RTN4: variants seen among roughly 807,000 people sequenced by gnomAD.
The protein encoded by RTN4 is reticulon-4.
In RTN4, 32 loss-of-function variants were observed where a neutral mutation model predicts 90.4. The ratio of observed to expected loss-of-function variants is 0.35; its 90% CI spans 0.27 to 0.48. The LOEUF (loss-of-function observed/expected upper bound fraction) is 0.48. RTN4 is among the 20% of genes least tolerant of loss of function. The pLI is 0.99. For synonymous variants in RTN4, 629 were observed against 552.5 expected, an observed-to-expected ratio of 1.14 and a Z score of -1.94; for missense variants, 1,706 against 1,430.2, an observed-to-expected ratio of 1.19 and a Z score of -3.11.
At chr2:54,983,648 T>TA (rs1406402684) in intron 4 of RTN4, among the ~76,000 whole-genome samples, 4 of 152,184 alleles carry the variant, frequency 2.6e-5, no homozygotes, top group African/African-American at 9.7e-5. Context: ...TTTAAGCACT[T>TA]ACTATTTACG....
the RTN4 span, among the ~76,000 whole-genome samples, chr2:55,117,778 TA>T: frequency 6.6e-6 from 1 of 152,056 alleles, no homozygotes; most frequent in Admixed American, 6.5e-5. Context: ...GGTAAAAATA[TA>T]AAAAAAGAAA....
intron 2 of RTN4, among the ~76,000 whole-genome samples, chr2:55,078,925 A>G (rs1384875587): frequency 6.6e-6 from 1 of 152,242 alleles, no homozygotes; most frequent in Admixed American, 6.5e-5. Context: ...TCATCTGACC[A>G]TCCTTGGGAA....
chr2:55,049,765 C>A lies in RTN4; in HGVS notation c.536G>T (p.Arg179Met). ...CTCACCCACTGAGCCCGAGGAGCCC[C>A]TGCGCTTGGGCGCGGCCGGGGTGGA... ...PPSTPAAPKRRGSSGSVDETL... is the reference protein window; with the variant it reads ...PPSTPAAPKRMGSSGSVDETL... The change falls in exon 1 of 9, where the codon AGG becomes ATG. Residue 179 changes from arginine (R) to methionine (M), a missense_variant. Coordinates refer to ENST00000337526, the MANE Select transcript of RTN4 (RefSeq NM_020532.5). The A allele has an allele frequency of 7.5e-7, 1 of 1,334,486 alleles. No homozygotes were observed. Among genetic ancestry groups the A allele is most frequent in the Non-Finnish European group, 9.6e-7 (1 of 1,043,594 alleles). The allele number at this position is 1,334,486 out of a possible 1,614,324, so 82.7% of individuals were successfully genotyped here.
At chr2:55,107,033 T>C (rs1165063120) in intron 1 of RTN4, among the ~76,000 whole-genome samples, 2 of 152,134 alleles carry the variant, frequency 1.3e-5, no homozygotes, top group Non-Finnish European at 2.9e-5. Flanking sequence ...ATTGGCAGTG[T>C]AGCTGTAACT....
intron 3 of RTN4, 151 bp from the exon 4 acceptor site, chr2:54,987,849 C>T: frequency 3.0e-6 from 2 of 658,816 alleles, no homozygotes; most frequent in Admixed American, 2.9e-5. Context: ...AACTTTATAA[C>T]CCACATTTTA....
rs903306882 is a variant in RTN4 at position 55,038,121 on chromosome 2, C to T, written c.557-9901G>A. Among the ~76,000 whole-genome samples, 24 of 151,982 alleles carry T rather than the reference C, an allele frequency of 1.6e-4. 1 individual carries two copies. Among genetic ancestry groups the T allele is most frequent in the Non-Finnish European group, 1.5e-5 (1 of 67,978 alleles). On this transcript the variant is annotated intron_variant, in intron 1 of 8. Coordinates refer to ENST00000337526, the MANE Select transcript of RTN4 (RefSeq NM_020532.5). ...AAATCTGGATCTATGGTAACTCATA[C>T]CATAGACAAAAACTACCTCAAAACG...
rs1304138963 is a variant in RTN4 at position 55,025,163 on chromosome 2, T to C, written c.2936A>G (p.Lys979Arg). 6.2e-7 allele frequency: 1 copy of C among 1,613,664 alleles called. No individual in the cohort carries two copies. Among genetic ancestry groups the C allele is most frequent in the African/African-American group, 1.3e-5 (1 of 74,918 alleles). ...TTTTTCTGTATCGGAAGGAAGTTTT[T>C]TCTCAGCTTCTTTCACAAGAACTTT... ...KPKVLVKEAE[K>R]KLPSDTEKED... Residue 979 changes from lysine to arginine, a missense_variant, in exon 3 of 9, where the codon AAA (lysine) becomes AGA (arginine). Transcript: ENST00000337526.
chr2:55,000,546 A>G (rs1023569012), intron 3 of RTN4, among the ~76,000 whole-genome samples: 2 of 152,194 alleles, frequency 1.3e-5, no homozygotes, highest in East Asian at 3.8e-4. Context: ...TCCCAGTCTG[A>G]GCAAGGCACT....
chr2:55,000,994 ACAAT>A (rs1327538365), intron 3 of RTN4, among the ~76,000 whole-genome samples: 2 of 152,178 alleles, frequency 1.3e-5, no homozygotes, highest in Non-Finnish European at 2.9e-5. Flanking sequence ...ACTATAAATA[ACAAT>A]CTATGTAATT....
At chr2:55,096,784 C>T (rs772261413) in intron 1 of RTN4, among the ~76,000 whole-genome samples, 3 of 152,032 alleles carry the variant, frequency 2.0e-5, no homozygotes, top group Non-Finnish European at 4.4e-5. Flanking sequence ...TTCTGTCATG[C>T]TGCAGCAGTT....
At chr2:54,978,474 C>T (rs1399047536) in intron 5 of RTN4, among the ~76,000 whole-genome samples, 1 of 150,438 alleles carries the variant, frequency 6.6e-6, no homozygotes, top group Non-Finnish European at 1.5e-5. Flanking sequence ...TAATTGTGAC[C>T]CAGAATCTAA....
chr2:55,097,562 G>T (rs577960904), intron 1 of RTN4, among the ~76,000 whole-genome samples: 1 of 152,232 alleles, frequency 6.6e-6, no homozygotes, highest in Admixed American at 6.5e-5. Flanking sequence ...AGACAGCAGT[G>T]GGGGAAGGAG....
chr2:55,055,772 AAAAAAAAAC>A (rs1160857007), upstream of RTN4, among the ~76,000 whole-genome samples: 23 of 151,628 alleles, frequency 1.5e-4, no homozygotes, highest in African/African-American at 5.3e-4. Flanking sequence ...TCCGTCTCAA[AAAAAAAAAC>A]AAAAAAAACA....
intron 1 of RTN4, among the ~76,000 whole-genome samples, chr2:55,100,737 A>G (rs1031476889): frequency 1.2e-4 from 19 of 152,144 alleles, no homozygotes; most frequent in Admixed American, 6.6e-4. Flanking sequence ...TTGTGCTATC[A>G]TTGCATCAGC....
At chr2:55,091,262 G>A (rs775379942) in intron 1 of RTN4, among the ~76,000 whole-genome samples, 13 of 152,126 alleles carry the variant, frequency 8.5e-5, no homozygotes, top group Non-Finnish European at 1.5e-4. Flanking sequence ...CACGTGATTG[G>A]GCCGTGTTTA....
chr2:55,013,612 G>T (rs1364675662), intron 3 of RTN4, among the ~76,000 whole-genome samples: 15 of 126,362 alleles, frequency 1.2e-4, no homozygotes, highest in East Asian at 8.2e-4. Flanking sequence ...TTTTTTTGGG[G>T]GGGGGGGAGG....
chr2:55,049,295 A>G, intron 1 of RTN4: 1 of 407,416 alleles, frequency 2.5e-6, no homozygotes, highest in African/African-American at 2.2e-5. Flanking sequence ...GCAAAACTGC[A>G]CCTTTTCCAA....
rs190464351 is a variant in RTN4, at chr2:54,987,842, T to C, written c.3014-144A>G. The C allele has an allele frequency of 4.1e-4, 274 of 666,430 alleles. 2 individuals are homozygous for C. The East Asian group carries it at 7.1e-3, about 17-fold the overall frequency. The allele number at this position is 666,430 out of a possible 1,614,324, so 41.3% of individuals were successfully genotyped here. ...AACACTAAGTTAAAGAAACACTAAC[T>C]TTATAACCCACATTTTAAACCCACT... On this transcript the variant is annotated intron_variant, in intron 3 of 8. Coordinates refer to ENST00000337526, the MANE Select transcript of RTN4 (RefSeq NM_020532.5).
At chr2:55,119,642 G>A in the RTN4 span, among the ~76,000 whole-genome samples, 1 of 152,204 alleles carries the variant, frequency 6.6e-6, no homozygotes, top group African/African-American at 2.4e-5. Context: ...CTTAGCCATA[G>A]TGAAAATGAT....
Sources: gnomAD v4.1 joint callset for allele counts (sites outside exome capture counted in the v4.1 genomes callset) on GRCh38, gnomAD v4.1.1 for gene constraint, MANE v1.5 for transcripts, NCBI Gene and HGNC (gene_info 2026-07-23, HGNC 2026-07-21) for gene names.